LRCH3: variants seen among roughly 807,000 people sequenced by gnomAD.
LRCH3 encodes leucine rich repeats and calponin homology domain containing 3.
A neutral mutation model predicts 104.5 loss-of-function variants in LRCH3; 68 were observed. That is an observed-to-expected ratio of 0.65 (90% confidence interval 0.54 to 0.80). The LOEUF is 0.80. Among genes scored for constraint, LRCH3 ranks in the 30% least tolerant of loss-of-function variants. The pLI is 0.00. For missense variants in LRCH3, 951 were observed against 953.9 expected (o/e 1.00, Z 0.04); for synonymous variants, 344 against 361.3 (o/e 0.95, Z 0.54).
In LRCH3 at chr3:197,791,342, G is replaced by A. The variant is rs1162536754; in HGVS notation, c.64G>A (p.Gly22Arg). 4 of 1,608,366 alleles carry A rather than the reference G, an allele frequency of 2.5e-6. No homozygotes were observed. The highest frequency in any genetic ancestry group is 3.4e-6 in the Non-Finnish European group (4 of 1,178,492). Reference sequence around the variant, plus strand: ...CGAGTACTCTGGCACGGTAGCGTCGGGAGGTAACCTCCCTGGTGTTCACTG... The same window carrying A: ...CGAGTACTCTGGCACGGTAGCGTCGAGAGGTAACCTCCCTGGTGTTCACTG... ...AAEYSGTVAS[G>R]GNLPGVHCGP... is the part of the protein sequence containing the mutation. The change falls in exon 1 of 21, where the codon GGA (glycine) becomes AGA (arginine). Residue 22 changes from glycine (G) to arginine (R), a missense_variant. Gly to Arg is a moderately radical substitution (Grantham distance 125). Transcript: ENST00000425562.
intron 10 of LRCH3, among the ~76,000 whole-genome samples, chr3:197,846,755 T>C (rs1738789835): frequency 6.6e-6 from 1 of 152,122 alleles, no homozygotes; most frequent in South Asian, 2.1e-4. Flanking sequence ...CTTGCCAGTT[T>C]TAGTTTCAGA....
chr3:197,840,133 C>G (rs1194019211), intron 10 of LRCH3, among the ~76,000 whole-genome samples: 1 of 152,068 alleles, frequency 6.6e-6, no homozygotes, highest in Non-Finnish European at 1.5e-5. Flanking sequence ...TACTTGGTGC[C>G]TCTCAGAATA....
At chr3:197,874,957 T>C (rs1305392273) in intron 19 of LRCH3, among the ~76,000 whole-genome samples, 1 of 151,940 alleles carries the variant, frequency 6.6e-6, no homozygotes, top group Non-Finnish European at 1.5e-5. Context: ...AGCTTTGTTC[T>C]TGTTGCCCAG....
At chr3:197,813,697 AC>A (rs1433800535) in intron 1 of LRCH3, among the ~76,000 whole-genome samples, 1 of 151,276 alleles carries the variant, frequency 6.6e-6, no homozygotes, top group East Asian at 1.9e-4. Context: ...TGCCCGGCTA[AC>A]TTTTGTATTT....
chr3:197,883,655 TCTG>T lies in LRCH3; in HGVS notation c.2327_2329del (p.Ala776del), dbSNP rs1193644157. On this transcript the variant is annotated inframe_deletion, in exon 21 of 21. Transcript: ENST00000425562. This position sits in a 1 kb window ranked among gnomAD's most constrained non-coding sequence, Gnocchi z 4.2. The stretch of plus-strand genomic sequence containing the variant: ...ACCCAAGCAACAGCAGCACCAGTTA[TCTG>T]CTGTTTGAGGATCCCCAGGACGGTG... 2.6e-6 allele frequency: 4 copies of T among 1,536,044 alleles called. No homozygotes were observed. The highest frequency in any genetic ancestry group is 3.5e-6 in the Non-Finnish European group (4 of 1,146,894).
Position 197,829,519 on chromosome 3 carries a change from T to A in LRCH3, c.778-45T>A, listed in dbSNP as rs149214288. On this transcript the variant is annotated intron_variant, in intron 5 of 20. Transcript: ENST00000425562. Reference sequence around the variant, plus strand: ...GTTGATATGATAAAAAGGAGCATACTTCAGATGAGTAATAATTTGGCTACA... The same window carrying A: ...GTTGATATGATAAAAAGGAGCATACATCAGATGAGTAATAATTTGGCTACA... 9 of 1,273,114 alleles carry A rather than the reference T, an allele frequency of 7.1e-6. No individual in the cohort carries two copies. The African/African-American group carries it at 1.2e-4, about 17-fold the overall frequency. The allele number at this position is 1,273,114 out of a possible 1,614,324, so 78.9% of individuals were successfully genotyped here. A position where few individuals can be genotyped will look rare whatever the true frequency, so the allele number is the denominator to read the frequency against.
At chr3:197,830,899 T>C (rs1339621093) in intron 7 of LRCH3, 36 bp downstream of exon 7, 2 of 1,449,504 alleles carry the variant, frequency 1.4e-6, no homozygotes, top group Admixed American at 1.7e-5. Flanking sequence ...TTATAACACC[T>C]GATTAAGAGA....
chr3:197,838,450 A>G (rs1016673247), intron 9 of LRCH3, among the ~76,000 whole-genome samples: 1 of 149,136 alleles, frequency 6.7e-6, no homozygotes, highest in Non-Finnish European at 1.5e-5. Flanking sequence ...GGTAGATGCT[A>G]TTTCTTGGAA....
intron 4 of LRCH3, among the ~76,000 whole-genome samples, chr3:197,825,360 C>CTT (rs35669763): frequency 5.6e-4 from 67 of 119,320 alleles, no homozygotes; most frequent in East Asian, 2.6e-3. Flanking sequence ...TGTTTTATAT[C>CTT]TTTTTTTTTT....
intron 1 of LRCH3, among the ~76,000 whole-genome samples, chr3:197,811,722 T>G (rs141518571): frequency 5.3e-4 from 81 of 152,262 alleles, no homozygotes; most frequent in African/African-American, 1.9e-3. Flanking sequence ...CATAGCCAAA[T>G]AGAATGAAAT....
chr3:197,825,521 C>T (rs1436457191), intron 4 of LRCH3, among the ~76,000 whole-genome samples: 1 of 123,360 alleles, frequency 8.1e-6, no homozygotes, highest in Non-Finnish European at 1.6e-5. Flanking sequence ...GCTCTGTCTC[C>T]CAGGCTGGAG....
At chr3:197,835,185 AT>A (rs947314618) in intron 8 of LRCH3, among the ~76,000 whole-genome samples, 126 of 150,362 alleles carry the variant, frequency 8.4e-4, no homozygotes, top group Middle Eastern at 3.4e-3. Context: ...AATTAATTTA[AT>A]TTTTTTTTTG....
chr3:197,842,153 C>T (rs922122323), intron 10 of LRCH3, among the ~76,000 whole-genome samples: 2 of 152,054 alleles, frequency 1.3e-5, no homozygotes, highest in African/African-American at 4.8e-5. Flanking sequence ...TACTGTTTAA[C>T]TCGGGGTTCC....
In LRCH3 at chr3:197,796,006, TA is replaced by T. The variant is rs555422161; in HGVS notation, c.262+4471del. On this transcript the variant is annotated intron_variant, in intron 1 of 20. Transcript: ENST00000425562. ...GCACCCGGCCAGAATTTTTTGATGA[TA>T]AAAAGGTCCTGACTAATACAGTGAA... is the stretch of plus-strand genomic sequence containing the variant. Among the ~76,000 whole-genome samples, 353 of 152,114 alleles carry T rather than the reference TA, an allele frequency of 2.3e-3. 2 individuals carry two copies. The highest frequency in any genetic ancestry group is 0.014 in the South Asian group (68 of 4,816).
intron 1 of LRCH3, among the ~76,000 whole-genome samples, chr3:197,800,265 C>T (rs1206549446): frequency 6.6e-6 from 1 of 151,918 alleles, no homozygotes; most frequent in Non-Finnish European, 1.5e-5. Context: ...GAAGGTAAGC[C>T]ACAGTCTTCT....
intron 10 of LRCH3, among the ~76,000 whole-genome samples, chr3:197,845,947 G>A (rs181811349): frequency 4.6e-5 from 7 of 152,260 alleles, no homozygotes; most frequent in Admixed American, 4.6e-4. Flanking sequence ...TTAAAGTTTA[G>A]TGTTCAGGTT....
chr3:197,812,251 T>G (rs769906074), intron 1 of LRCH3, among the ~76,000 whole-genome samples: 4 of 152,150 alleles, frequency 2.6e-5, no homozygotes, highest in Non-Finnish European at 5.9e-5. Flanking sequence ...TTCATATAAA[T>G]GAAATCATAT....
intron 18 of LRCH3, among the ~76,000 whole-genome samples, chr3:197,870,977 GTAA>G (rs1414863720): frequency 6.6e-6 from 1 of 151,898 alleles, no homozygotes; most frequent in Non-Finnish European, 1.5e-5. Flanking sequence ...AATATTGTCA[GTAA>G]TAATTTATAT....
intron 5 of LRCH3, among the ~76,000 whole-genome samples, chr3:197,827,619 C>T (rs1325223699): frequency 6.6e-6 from 1 of 152,072 alleles, no homozygotes; most frequent in African/African-American, 2.4e-5. Flanking sequence ...ATAATGTTTC[C>T]AGAAGTATTT....
Sources: gnomAD v4.1 joint callset for allele counts (sites outside exome capture counted in the v4.1 genomes callset) on GRCh38, gnomAD v4.1.1 for gene constraint, Gnocchi (gnomAD v3.1) non-coding constraint, MANE v1.5 for transcripts, NCBI Gene and HGNC (gene_info 2026-07-23, HGNC 2026-07-21) for gene names.